MVP: variants seen among roughly 807,000 people sequenced by gnomAD.
MVP encodes major vault protein.
Under a neutral mutation model 83.5 loss-of-function variants are expected in MVP, and 62 were observed. That is an observed-to-expected ratio of 0.74 (90% CI 0.61 to 0.92). MVP has a LOEUF of 0.92. Ranked by LOEUF, MVP falls within the 40% of genes least tolerant of loss-of-function variation. MVP has a pLI of 0.00. For synonymous variants in MVP, 505 were observed against 504.1 expected, an observed-to-expected ratio of 1.00 and a Z score of -0.02; for missense variants, 1,000 against 1,203.4, an observed-to-expected ratio of 0.83 and a Z score of 2.50.
At chr16:29,845,324 C>T (rs556689333) in intron 11 of MVP, among the ~76,000 whole-genome samples, 1 of 152,148 alleles carries the variant, frequency 6.6e-6, no homozygotes, top group Non-Finnish European at 1.5e-5. Flanking sequence ...TAGCCTCCCC[C>T]TTCCATGCTC....
rs1216234534 is a variant in MVP at position 29,836,715 on chromosome 16, T to C, written c.673-7T>C. 6.4e-7 allele frequency: 1 copy of C among 1,557,322 alleles called. No individual in the cohort carries two copies. Among genetic ancestry groups the C allele is most frequent in the Admixed American group, 1.8e-5 (1 of 54,996 alleles). ...GTCACTCAAATACCCAACATGTTGCTCTGCAGACAGCCCTGCACCTCCGGG... is the reference window on the plus strand; with the variant it reads ...GTCACTCAAATACCCAACATGTTGCCCTGCAGACAGCCCTGCACCTCCGGG... On this transcript the variant is annotated splice_region_variant and splice_polypyrimidine_tract_variant and intron_variant, in intron 6 of 14. Transcript: ENST00000357402.
At position 29,830,526 on chromosome 16, in the gene MVP, T is replaced by C. The variant is rs1235878208; in HGVS notation, c.-24T>C. 6.2e-7 allele frequency: 1 copy of C among 1,612,324 alleles called. No individual in the cohort carries two copies. The highest frequency in any genetic ancestry group is 1.7e-5 in the Admixed American group (1 of 59,826). On this transcript the variant is annotated 5_prime_UTR_variant, in exon 2 of 15. Coordinates refer to ENST00000357402, the MANE Select transcript of MVP (RefSeq NM_005115.5). ...CCCCCACCTACCAGTCATCTTCTTG[T>C]GAGCCCTGGGCTTAGGAGTCACCAT...
intron 1 of MVP, among the ~76,000 whole-genome samples, chr16:29,825,567 T>TGGCAG (rs1239182226): frequency 6.6e-6 from 1 of 152,150 alleles, no homozygotes; most frequent in Non-Finnish European, 1.5e-5. Context: ...GTTTAGGGCA[T>TGGCAG]GGCAGGTGGG....
At chr16:29,831,326 G>C (rs913211828) in intron 3 of MVP, among the ~76,000 whole-genome samples, 1 of 151,996 alleles carries the variant, frequency 6.6e-6, no homozygotes, top group Non-Finnish European at 1.5e-5. Flanking sequence ...GCTAATTTTT[G>C]TATTTTTAGT....
At chr16:29,826,144 A>G (rs2150750725) in intron 1 of MVP, 1 of 152,328 alleles carries the variant, frequency 6.6e-6, no homozygotes, top group South Asian at 2.1e-4. Flanking sequence ...ACTGGATAGG[A>G]AAGTTGGGCC....
At chr16:29,821,688 G>T (rs1311483828) in intron 1 of MVP, among the ~76,000 whole-genome samples, 2 of 152,192 alleles carry the variant, frequency 1.3e-5, no homozygotes, top group Non-Finnish European at 2.9e-5. Flanking sequence ...TTGGACTTCC[G>T]GCTCCGTCCT....
rs145249252 is a variant in MVP, at chr16:29,841,915, C to G, written c.1437C>G (p.Arg479=). The G allele has an allele frequency of 2.3e-5, 37 of 1,611,988 alleles. No individual in the cohort carries two copies. The highest frequency in any genetic ancestry group is 3.0e-5 in the Non-Finnish European group (35 of 1,180,018). ...CTCTGACCCTCGGCTGTCTCTGCAG[C>G]GTGGTCTTCGGGCCTGAGCTGGTGT... ...QVYDYREKRA[R]VVFGPELVSL... is the part of the protein sequence containing the mutation. Residue 479 remains arginine, a splice_region_variant and synonymous_variant, in exon 10 of 15, where the codon CGC becomes CGG. Coordinates refer to ENST00000357402, the MANE Select transcript of MVP (RefSeq NM_005115.5). The surrounding 1 kb of genome is among the most constrained non-coding windows in gnomAD (Gnocchi z 4.7).
chr16:29,841,638 G>A lies in MVP; in HGVS notation c.1234G>A (p.Glu412Lys), dbSNP rs2067535367. The A allele has an allele frequency of 8.7e-6, 14 of 1,611,998 alleles. No homozygotes were observed. The highest frequency in any genetic ancestry group is 4.5e-5 in the East Asian group (2 of 44,832). Residue 412 changes from glutamate to lysine, a missense_variant, in exon 9 of 15, where the codon GAA (glutamate) becomes AAA (lysine). Transcript: ENST00000357402. This position sits in a 1 kb window ranked among gnomAD's most constrained non-coding sequence, Gnocchi z 4.7. Reference sequence around the variant, plus strand: ...AAGCACCTACATGCTGACCCAGGACGAAGTCCTGTGGGAGAAAGAGCTGCC... The same window carrying A: ...AAGCACCTACATGCTGACCCAGGACAAAGTCCTGTGGGAGAAAGAGCTGCC... ...IGSTYMLTQD[E>K]VLWEKELPPG... is the part of the protein sequence containing the mutation.
rs753311133 is a variant in MVP, at chr16:29,833,874, A to G, written c.445+18A>G. The G allele has an allele frequency of 1.2e-6, 2 of 1,614,074 alleles. No individual in the cohort carries two copies. The highest frequency in any genetic ancestry group is 8.5e-7 in the Non-Finnish European group (1 of 1,180,000). ...GGGACCTGGTAAGTTCTGTCTCCAT[A>G]GGGCTCCCTGCCTTCCTGTCATAGC... On this transcript the variant is annotated intron_variant, in intron 4 of 14. Coordinates refer to ENST00000357402, the MANE Select transcript of MVP (RefSeq NM_005115.5).
At position 29,841,594 on chromosome 16, in the gene MVP, A is replaced by C; in HGVS notation, c.1192-2A>C. ...AGCTTCCCTCCCTGTCCTCGTCCCA[A>C]GGTGCGCGCTGTGATTGGAAGCACC... is the stretch of plus-strand genomic sequence containing the variant. On this transcript the variant is annotated splice_acceptor_variant, in intron 8 of 14. Coordinates refer to ENST00000357402, the MANE Select transcript of MVP (RefSeq NM_005115.5). LOFTEE classifies it high-confidence loss of function. The surrounding 1 kb of genome is among the most constrained non-coding windows in gnomAD (Gnocchi z 4.7). The C allele has an allele frequency of 6.3e-7, 1 of 1,584,068 alleles. No homozygotes were observed. The highest frequency in any genetic ancestry group is 8.6e-7 in the Non-Finnish European group (1 of 1,162,622).
At chr16:29,828,411 G>T (rs969410260) in intron 1 of MVP, among the ~76,000 whole-genome samples, 5 of 151,668 alleles carry the variant, frequency 3.3e-5, no homozygotes, top group Non-Finnish European at 4.4e-5. Flanking sequence ...TTGGAGTCTC[G>T]CTCTGTTGCC....
intron 1 of MVP, among the ~76,000 whole-genome samples, chr16:29,823,750 G>C (rs1010379556): frequency 2.0e-5 from 3 of 151,786 alleles, no homozygotes; most frequent in African/African-American, 7.3e-5. Flanking sequence ...AGCTGAGGCA[G>C]GAGAATGGCA....
rs201911139 is a variant in MVP at position 29,846,249 on chromosome 16, G to C, written c.2230G>C (p.Ala744Pro). Reference protein sequence around the residue: ...RIEGEGSVLQAKLKAQALAIE... With the variant: ...RIEGEGSVLQPKLKAQALAIE... ...TGAGGGAGAAGGGTCCGTGCTGCAG[G>C]CCAAGCTAAAAGCACAGGCCTTGGC... The change falls in exon 13 of 15, where the codon GCC (alanine) becomes CCC (proline). Residue 744 changes from alanine to proline, a missense_variant. Transcript: ENST00000357402. 1 of 1,576,860 alleles carries C rather than the reference G, an allele frequency of 6.3e-7. No homozygotes were observed. Among genetic ancestry groups the C allele is most frequent in the Non-Finnish European group, 8.6e-7 (1 of 1,160,626 alleles).
At chr16:29,838,569 T>C (rs1567392881) in intron 7 of MVP, among the ~76,000 whole-genome samples, 1 of 152,188 alleles carries the variant, frequency 6.6e-6, no homozygotes, top group Admixed American at 6.5e-5. Context: ...AGCTCATGAC[T>C]ATAATCCCAG....
At chr16:29,847,451 C>A (rs892188243) in intron 14 of MVP, 66 bp downstream of exon 14, 2 of 1,432,034 alleles carry the variant, frequency 1.4e-6, no homozygotes. Flanking sequence ...AGAGCCAAGG[C>A]GGAAAACACA....
chr16:29,827,394 C>T (rs2067411505), intron 1 of MVP, among the ~76,000 whole-genome samples: 13 of 152,206 alleles, frequency 8.5e-5, no homozygotes, highest in Admixed American at 7.9e-4. Flanking sequence ...CGAAAGCAGC[C>T]GATCAGAGTT....
chr16:29,831,013 C>A lies in MVP; in HGVS notation c.261C>A (p.Asp87Glu). Residue 87 changes from aspartate to glutamate, a missense_variant, in exon 3 of 15, where the codon GAC becomes GAA. By Grantham distance (45) the Asp-to-Glu change is conservative (BLOSUM62 2). Coordinates refer to ENST00000357402, the MANE Select transcript of MVP (RefSeq NM_005115.5). ...GGCAAGTTCGGCTTCGCCACGCTGACCTCGAGATCCGGCTGGCCCAGGACC... is the reference window on the plus strand; with the variant it reads ...GGCAAGTTCGGCTTCGCCACGCTGAACTCGAGATCCGGCTGGCCCAGGACC... ...VTGQVRLRHA[D>E]LEIRLAQDPF... The A allele has an allele frequency of 6.2e-7, 1 of 1,613,954 alleles. No individual in the cohort carries two copies. The highest frequency in any genetic ancestry group is 8.5e-7 in the Non-Finnish European group (1 of 1,180,006).
In MVP at chr16:29,840,288, G is replaced by T; in HGVS notation, c.1020G>T (p.Leu340=). ...QGLLLRALQP[L]EEGEDEEKVS... is the part of the protein sequence containing the mutation. ...TGCTGCTGAGGGCCCTGCAGCCCCT[G>T]GAGGAGGGGGAGGATGAGGAGAAGG... The change falls in exon 8 of 15, where the codon CTG becomes CTT. Residue 340 remains leucine, a synonymous_variant. Transcript: ENST00000357402. The T allele has an allele frequency of 6.2e-7, 1 of 1,613,640 alleles. No homozygotes were observed. The highest frequency in any genetic ancestry group is 8.5e-7 in the Non-Finnish European group (1 of 1,179,848).
chr16:29,836,237 C>T (rs1276369731), intron 6 of MVP, among the ~76,000 whole-genome samples: 5 of 142,074 alleles, frequency 3.5e-5, no homozygotes, highest in Non-Finnish European at 7.6e-5. Context: ...CACTGTGCTC[C>T]AGCCTGGGCA....
Sources: allele counts gnomAD v4.1 joint callset (sites outside exome capture counted in the v4.1 genomes callset), GRCh38; gene constraint gnomAD v4.1.1; non-coding constraint Gnocchi (gnomAD v3.1); transcripts MANE v1.5; gene names NCBI Gene and HGNC (gene_info 2026-07-23, HGNC 2026-07-21).